GNAZ: variants seen among roughly 807,000 people sequenced by gnomAD.
GNAZ encodes G protein subunit alpha z.
A neutral mutation model predicts 25.4 loss-of-function variants in GNAZ; 3 were observed. That is an observed-to-expected ratio of 0.12 (90% CI 0.05 to 0.30). GNAZ has a LOEUF of 0.30. Ranked by LOEUF, GNAZ falls within the 10% of genes least tolerant of loss-of-function variation. The pLI is 1.00. For missense variants in GNAZ, 241 were observed against 501.8 expected (o/e 0.48, Z 4.97); for synonymous variants, 211 against 205.7 (o/e 1.03, Z -0.22).
intron 1 of GNAZ, among the ~76,000 whole-genome samples, chr22:23,079,897 G>A (rs1214134912): frequency 6.6e-6 from 1 of 152,208 alleles, no homozygotes; most frequent in Non-Finnish European, 1.5e-5. Flanking sequence ...AGGTCCCCAA[G>A]GTAGGGGATG....
At chr22:23,099,218 G>A (rs536458047) in intron 2 of GNAZ, among the ~76,000 whole-genome samples, 1 of 152,394 alleles carries the variant, frequency 6.6e-6, no homozygotes, top group South Asian at 2.1e-4. Flanking sequence ...GGGCTCCCGG[G>A]TGTGAGGGCT....
Position 23,071,561 on chromosome 22 carries a change from CA to C in GNAZ, c.-450+994del, listed in dbSNP as rs1167441194. 1.3e-5 allele frequency among the ~76,000 whole-genome samples: 2 copies of C among 152,270 alleles called. No individual in the cohort carries two copies. The highest frequency in any genetic ancestry group is 3.9e-4 in the East Asian group (2 of 5,168). On this transcript the variant is annotated intron_variant, in intron 1 of 2. Transcript: ENST00000615612. The surrounding 1 kb of genome is among the most constrained non-coding windows in gnomAD (Gnocchi z 4.1). Reference sequence around the variant, plus strand: ...GGCTCCTTGGCCAAATTCAATTAAGCAAATATTTATTGAGTGGTCACTCCCC... The same window carrying C: ...GGCTCCTTGGCCAAATTCAATTAAGCAATATTTATTGAGTGGTCACTCCCC...
At chr22:23,115,001 G>T (rs1235808896) in intron 2 of GNAZ, among the ~76,000 whole-genome samples, 4 of 152,228 alleles carry the variant, frequency 2.6e-5, no homozygotes, top group Admixed American at 1.3e-4. Flanking sequence ...GGATGATGCT[G>T]GTTCCAGGAA....
At chr22:23,078,483 AC>A (rs1033929977) in intron 1 of GNAZ, among the ~76,000 whole-genome samples, 68 of 147,372 alleles carry the variant, frequency 4.6e-4, no homozygotes, top group African/African-American at 1.6e-3. Context: ...CCACACTGAC[AC>A]CCCCATCTCT....
intron 2 of GNAZ, among the ~76,000 whole-genome samples, chr22:23,117,008 C>T (rs1690333296): frequency 6.6e-6 from 1 of 152,152 alleles, no homozygotes; most frequent in African/African-American, 2.4e-5. Context: ...TATGCGCGCA[C>T]CTGCTGGGGG....
At chr22:23,089,311 TGTG>T (rs1253473338) in intron 1 of GNAZ, among the ~76,000 whole-genome samples, 2 of 152,124 alleles carry the variant, frequency 1.3e-5, no homozygotes, top group African/African-American at 4.8e-5. Flanking sequence ...TGCTGGCTGT[TGTG>T]GAGGAGGCCT....
intron 2 of GNAZ, among the ~76,000 whole-genome samples, chr22:23,113,288 C>T (rs2069711117): frequency 6.6e-6 from 1 of 152,226 alleles, no homozygotes; most frequent in African/African-American, 2.4e-5. Flanking sequence ...CCTTCTCTCC[C>T]ACAGATCTTA....
intron 1 of GNAZ, among the ~76,000 whole-genome samples, chr22:23,090,435 C>T (rs974125342): frequency 6.6e-6 from 1 of 152,160 alleles, no homozygotes; most frequent in Non-Finnish European, 1.5e-5. Flanking sequence ...CATCCAGGAG[C>T]CTCCTCTGGT....
At chr22:23,102,183 T>C (rs1238723756) in intron 2 of GNAZ, among the ~76,000 whole-genome samples, 1 of 152,234 alleles carries the variant, frequency 6.6e-6, no homozygotes, top group African/African-American at 2.4e-5. Flanking sequence ...GCCACCTCAG[T>C]GGGCCTTCAG....
intron 1 of GNAZ, among the ~76,000 whole-genome samples, chr22:23,078,241 C>T (rs948450351): frequency 2.6e-5 from 4 of 152,352 alleles, no homozygotes; most frequent in Middle Eastern, 3.4e-3. Flanking sequence ...TAGAGTGTTG[C>T]CTCCATTATC....
chr22:23,108,274 G>C (rs1235637347), intron 2 of GNAZ, among the ~76,000 whole-genome samples: 2 of 152,272 alleles, frequency 1.3e-5, no homozygotes, highest in African/African-American at 4.8e-5. Flanking sequence ...CAAGCAGACA[G>C]CACTGCTCAT....
chr22:23,086,590 T>C (rs2068826812), intron 1 of GNAZ, among the ~76,000 whole-genome samples: 1 of 152,038 alleles, frequency 6.6e-6, no homozygotes, highest in Admixed American at 6.5e-5. Context: ...CAGAGTCCCC[T>C]CCCTGACCCC....
At chr22:23,087,175 G>A (rs577684431) in intron 1 of GNAZ, among the ~76,000 whole-genome samples, 289 of 152,332 alleles carry the variant, frequency 1.9e-3, no homozygotes, top group Non-Finnish European at 3.5e-3. Context: ...CACTCTTTAA[G>A]AGATGATAGA....
chr22:23,074,438 G>A (rs184527196), intron 1 of GNAZ, among the ~76,000 whole-genome samples: 14 of 152,322 alleles, frequency 9.2e-5, no homozygotes, highest in African/African-American at 3.4e-4. Flanking sequence ...TGGCTGAGAA[G>A]CAAGATACAG....
intron 1 of GNAZ, among the ~76,000 whole-genome samples, chr22:23,079,947 G>A (rs1425299909): frequency 2.0e-5 from 3 of 152,188 alleles, no homozygotes; most frequent in African/African-American, 7.2e-5. Flanking sequence ...AGGGCAGGAG[G>A]TTGCAGGGCC....
At chr22:23,106,090 C>A (rs1394012217) in intron 2 of GNAZ, among the ~76,000 whole-genome samples, 1 of 152,174 alleles carries the variant, frequency 6.6e-6, no homozygotes, top group Non-Finnish European at 1.5e-5. Context: ...GTTAAGGCAC[C>A]ACCTCCAGTC....
At chr22:23,109,727 G>A (rs542031557) in intron 2 of GNAZ, among the ~76,000 whole-genome samples, 9 of 152,350 alleles carry the variant, frequency 5.9e-5, no homozygotes, top group African/African-American at 2.2e-4. Context: ...GCAGGGTTCA[G>A]TGTTAAAGGC....
At chr22:23,090,026 G>A (rs1022455841) in intron 1 of GNAZ, among the ~76,000 whole-genome samples, 23 of 152,222 alleles carry the variant, frequency 1.5e-4, no homozygotes, top group Admixed American at 3.9e-4. Context: ...CGACCTCCTG[G>A]TGAATTTGCC....
chr22:23,115,588 G>A (rs1298970257), intron 2 of GNAZ, among the ~76,000 whole-genome samples: 1 of 152,246 alleles, frequency 6.6e-6, no homozygotes, highest in Middle Eastern at 3.4e-3. Context: ...AGGAAGGTGG[G>A]GTGACCCTGC....
Sources: gnomAD v4.1 joint callset for allele counts (sites outside exome capture counted in the v4.1 genomes callset) on GRCh38, gnomAD v4.1.1 for gene constraint, Gnocchi (gnomAD v3.1) non-coding constraint, MANE v1.5 for transcripts, NCBI Gene and HGNC (gene_info 2026-07-23, HGNC 2026-07-21) for gene names.